The following STK32A variants were observed in gnomAD, a reference collection of about 807,000 sequenced individuals.
STK32A encodes serine/threonine kinase 32A.
In STK32A, 41 loss-of-function variants were observed where a neutral mutation model predicts 53.2. The ratio of observed to expected loss-of-function variants is 0.77; its 90% confidence interval spans 0.60 to 1.00. The LOEUF (loss-of-function observed/expected upper bound fraction) is 1.00, where lower values mean the gene tolerates loss of function less well. Among genes scored for constraint, STK32A ranks in the 50% least tolerant of loss-of-function variants. The probability of loss-of-function intolerance (pLI) is 0.00; values close to 1 mark genes in which losing one functional copy is unlikely to be tolerated. For missense variants in STK32A, 458 were observed against 485.8 expected (o/e 0.94, Z 0.54); for synonymous variants, 166 against 162.8 (o/e 1.02, Z -0.15).
chr5:147,399,359 AG>A, the STK32A span: 4 of 1,308,116 alleles, frequency 3.1e-6, no homozygotes, highest in Non-Finnish European at 4.1e-6. Context: ...AAATACAAAA[AG>A]GAGCCACCTG....
intron 7 of STK32A, among the ~76,000 whole-genome samples, chr5:147,353,862 C>G (rs1444777773): frequency 6.6e-6 from 1 of 152,148 alleles, no homozygotes; most frequent in Non-Finnish European, 1.5e-5. Flanking sequence ...GCTGTTTAAA[C>G]TGGTGGGATT....
In STK32A at chr5:147,290,642, A is replaced by G. The variant is rs74844608; in HGVS notation, c.260+11244A>G. Among the ~76,000 whole-genome samples the G allele has an allele frequency of 1.7e-3, 265 of 152,280 alleles. No individual in the cohort carries two copies. In the East Asian group the frequency reaches 0.03, roughly 17 times the overall value. ...GTCCCTGTGGATAGAAGGGGTCCACATGTGGTTTCAGGAAATTAGGACACC... is the reference window on the plus strand; with the variant it reads ...GTCCCTGTGGATAGAAGGGGTCCACGTGTGGTTTCAGGAAATTAGGACACC... On this transcript the variant is annotated intron_variant, in intron 4 of 12. Coordinates refer to ENST00000397936, the MANE Select transcript of STK32A (RefSeq NM_001112724.2).
rs59437770 is a variant in STK32A, at chr5:147,249,211, A to AT, written c.52+9535dup. Among the ~76,000 whole-genome samples the AT allele has an allele frequency of 2.7e-4, 41 of 150,180 alleles. No homozygotes were observed. The South Asian group carries it at 2.7e-3, about 10-fold the overall frequency. ...AGTATTTATGGATTGTGGAAATAGA[A>AT]TTTTTTTTTTATAGTGAGAACCTAG... On this transcript the variant is annotated intron_variant, in intron 2 of 12. Transcript: ENST00000397936.
chr5:147,288,690 A>G (rs1019716893), intron 4 of STK32A, among the ~76,000 whole-genome samples: 3 of 152,104 alleles, frequency 2.0e-5, no homozygotes, highest in African/African-American at 7.2e-5. Flanking sequence ...CTCTATCACG[A>G]GAACAGCACC....
intron 4 of STK32A, among the ~76,000 whole-genome samples, chr5:147,305,871 G>A (rs1753381168): frequency 6.6e-6 from 1 of 151,316 alleles, no homozygotes; most frequent in South Asian, 2.1e-4. Context: ...CAAAATATGT[G>A]TACTTTTGTA....
At chr5:147,282,057 G>A (rs139101287) in intron 4 of STK32A, among the ~76,000 whole-genome samples, 94 of 152,272 alleles carry the variant, frequency 6.2e-4, no homozygotes, top group Middle Eastern at 3.4e-3. Context: ...CAAATGCTGA[G>A]AGAAATTGCC....
chr5:147,244,607 T>C (rs1275577034), intron 2 of STK32A, among the ~76,000 whole-genome samples: 1 of 152,206 alleles, frequency 6.6e-6, no homozygotes, highest in Non-Finnish European at 1.5e-5. Context: ...AAAGAGGATA[T>C]AGCCTGGTCA....
chr5:147,297,392 AC>A (rs1463717389), intron 4 of STK32A, among the ~76,000 whole-genome samples: 1 of 152,214 alleles, frequency 6.6e-6, no homozygotes, highest in Admixed American at 6.5e-5. Flanking sequence ...CAAGAGTTAT[AC>A]AAATGATTTT....
At chr5:147,351,530 G>A (rs1169000665) in intron 7 of STK32A, among the ~76,000 whole-genome samples, 1 of 151,794 alleles carries the variant, frequency 6.6e-6, no homozygotes, top group Non-Finnish European at 1.5e-5. Context: ...TTACATTCTA[G>A]TGGGAGCAGA....
At chr5:147,377,462 T>G (rs1264353334) in intron 11 of STK32A, among the ~76,000 whole-genome samples, 3 of 152,146 alleles carry the variant, frequency 2.0e-5, no homozygotes, top group Non-Finnish European at 4.4e-5. Flanking sequence ...GGCAATATTT[T>G]CCTGTTTCTT....
chr5:147,373,093 T>A, intron 9 of STK32A, 76 bp from the exon 10 acceptor site: 4 of 1,579,766 alleles, frequency 2.5e-6, no homozygotes, highest in South Asian at 2.3e-5. Flanking sequence ...TTGAAAGCAT[T>A]TAGAGGGAAT....
At chr5:147,255,911 A>C (rs932839648) in intron 2 of STK32A, among the ~76,000 whole-genome samples, 1 of 152,158 alleles carries the variant, frequency 6.6e-6, no homozygotes. Context: ...TGGGACCCTA[A>C]TTGTGTCTAA....
intron 5 of STK32A, among the ~76,000 whole-genome samples, chr5:147,331,802 G>T (rs1754885383): frequency 6.6e-6 from 1 of 152,164 alleles, no homozygotes; most frequent in Non-Finnish European, 1.5e-5. Flanking sequence ...GAGGATGACA[G>T]GTGAAGATGG....
chr5:147,339,342 G>T (rs1483915036), intron 5 of STK32A, among the ~76,000 whole-genome samples: 3 of 152,216 alleles, frequency 2.0e-5, no homozygotes, highest in Non-Finnish European at 2.9e-5. Context: ...TTGAGGTTTG[G>T]GAACCTCTGC....
chr5:147,375,242 A>G (rs1757185767), intron 11 of STK32A, 24 bp downstream of exon 11: 11 of 1,607,594 alleles, frequency 6.8e-6, no homozygotes, highest in Non-Finnish European at 9.3e-6. Context: ...CACCAAACTC[A>G]GGGTCATGGG....
intron 5 of STK32A, among the ~76,000 whole-genome samples, chr5:147,332,726 A>G (rs2151982545): frequency 6.6e-6 from 1 of 152,328 alleles, no homozygotes; most frequent in South Asian, 2.1e-4. Context: ...CCTCAAAACA[A>G]AACGGCAGTG....
At chr5:147,394,161 A>T in the STK32A span, 1 of 1,596,682 alleles carries the variant, frequency 6.3e-7, no homozygotes, top group East Asian at 2.2e-5. Flanking sequence ...GAAAAAAAAA[A>T]CAGAGTGGCG....
At chr5:147,312,078 GC>G (rs1753727108) in intron 4 of STK32A, among the ~76,000 whole-genome samples, 1 of 151,774 alleles carries the variant, frequency 6.6e-6, no homozygotes, top group Non-Finnish European at 1.5e-5. Context: ...GTTTCTTATT[GC>G]TAAAATGGAA....
intron 11 of STK32A, among the ~76,000 whole-genome samples, chr5:147,381,041 C>T (rs1757433562): frequency 6.6e-6 from 1 of 151,986 alleles, no homozygotes; most frequent in Admixed American, 6.6e-5. Flanking sequence ...TGTCTCGTGT[C>T]CTTTCATTTC....
Sources: gnomAD v4.1 joint callset for allele counts (sites outside exome capture counted in the v4.1 genomes callset) on GRCh38, gnomAD v4.1.1 for gene constraint, MANE v1.5 for transcripts, NCBI Gene and HGNC (gene_info 2026-07-23, HGNC 2026-07-21) for gene names.